The following PHF20 variants were observed in gnomAD, a reference collection of about 807,000 sequenced individuals.
PHF20 encodes the protein PHD finger protein 20.
In PHF20, 23 loss-of-function variants were observed where a neutral mutation model predicts 113.5. That is an observed-to-expected ratio of 0.20 (90% CI 0.15 to 0.29). The LOEUF (loss-of-function observed/expected upper bound fraction) is 0.29. Ranked by LOEUF, PHF20 falls within the 10% of genes least tolerant of loss-of-function variation. The probability of loss-of-function intolerance (pLI) is 1.00; values close to 1 mark genes in which losing one functional copy is unlikely to be tolerated. For missense variants in PHF20, 943 were observed against 1,219.6 expected (o/e 0.77, Z 3.38); for synonymous variants, 434 against 457.3 (o/e 0.95, Z 0.65).
At chr20:35,784,433 CT>C (rs35002007) in intron 1 of PHF20, among the ~76,000 whole-genome samples, 96 of 110,514 alleles carry the variant, frequency 8.7e-4, no homozygotes, top group African/African-American at 2.1e-3. Context: ...ATCCCAAAGA[CT>C]TTTTTTTTTT....
chr20:35,786,054 A>C (rs534529979), intron 1 of PHF20, among the ~76,000 whole-genome samples: 1 of 150,690 alleles, frequency 6.6e-6, no homozygotes, highest in East Asian at 2.0e-4. Flanking sequence ...AACAAAAAAA[A>C]AAACAAATCT....
At chr20:35,805,864 CT>C (rs200002564) in intron 2 of PHF20, among the ~76,000 whole-genome samples, 7 of 146,132 alleles carry the variant, frequency 4.8e-5, no homozygotes, top group African/African-American at 7.5e-5. Flanking sequence ...TTTTTCAGTT[CT>C]TTTTTTTTTC....
At chr20:35,781,208 A>C (rs2041289117) in intron 1 of PHF20, among the ~76,000 whole-genome samples, 1 of 150,346 alleles carries the variant, frequency 6.7e-6, no homozygotes, top group Non-Finnish European at 1.5e-5. Flanking sequence ...CAGTGACACG[A>C]TCTTGGCTCA....
intron 4 of PHF20, among the ~76,000 whole-genome samples, chr20:35,850,297 T>G (rs13040498): frequency 7.8e-5 from 5 of 64,516 alleles, no homozygotes; most frequent in African/African-American, 3.8e-4. Context: ...TCCCCCTCCG[T>G]TTTTTTTTTT....
At position 35,879,802 on chromosome 20, in the gene PHF20, C is replaced by G. The variant is rs1176628635; in HGVS notation, c.1282+7973C>G. 2.7e-5 allele frequency among the ~76,000 whole-genome samples: 4 copies of G among 150,516 alleles called. No homozygotes were observed. The East Asian group carries it at 7.8e-4, about 29-fold the overall frequency. ...TCTCTCCAAAAAAAAAAAAAAAACC[C>G]TCCAAAACAAAACAGAATAAAACCC... On this transcript the variant is annotated intron_variant, in intron 9 of 17. Transcript: ENST00000374012.
intron 10 of PHF20, among the ~76,000 whole-genome samples, chr20:35,903,990 A>G (rs546457013): frequency 6.6e-6 from 1 of 152,276 alleles, no homozygotes; most frequent in East Asian, 1.9e-4. Flanking sequence ...CTGATAACCA[A>G]AAATTTGAAA....
At chr20:35,894,964 C>T (rs1380612297) in intron 9 of PHF20, among the ~76,000 whole-genome samples, 1 of 152,170 alleles carries the variant, frequency 6.6e-6, no homozygotes, top group African/African-American at 2.4e-5. Context: ...AAGTGATTCT[C>T]CTGCCTCGGC....
intron 1 of PHF20, among the ~76,000 whole-genome samples, chr20:35,798,358 A>G (rs1301878627): frequency 6.6e-6 from 1 of 152,306 alleles, no homozygotes; most frequent in South Asian, 2.1e-4. Flanking sequence ...GGCTACAGTG[A>G]TCCAGGTTTG....
chr20:35,817,452 G>T (rs1237217392), intron 2 of PHF20, among the ~76,000 whole-genome samples: 2 of 151,666 alleles, frequency 1.3e-5, no homozygotes, highest in Non-Finnish European at 2.9e-5. Flanking sequence ...CTCCCAAAGT[G>T]CTGGGATTAC....
chr20:35,925,249 T>C (rs944373500), intron 13 of PHF20, among the ~76,000 whole-genome samples: 3 of 151,788 alleles, frequency 2.0e-5, no homozygotes, highest in African/African-American at 7.3e-5. Context: ...TAATTTATTA[T>C]TTTATTGAGA....
chr20:35,940,801 C>G (rs1469063372), intron 16 of PHF20, 63 bp from the exon 17 acceptor site: 3 of 1,373,452 alleles, frequency 2.2e-6, no homozygotes, highest in African/African-American at 2.9e-5. Context: ...GAAATGCTGG[C>G]TGGTTGAAAA....
intron 9 of PHF20, among the ~76,000 whole-genome samples, chr20:35,873,395 C>T (rs897535673): frequency 1.3e-5 from 2 of 150,702 alleles, no homozygotes; most frequent in East Asian, 3.9e-4. Context: ...GCCACTATTT[C>T]TGGCCTAAAT....
At chr20:35,819,583 A>G (rs1056876406) in intron 2 of PHF20, among the ~76,000 whole-genome samples, 11 of 151,692 alleles carry the variant, frequency 7.3e-5, no homozygotes, top group African/African-American at 2.7e-4. Context: ...TTTCTTTTTC[A>G]TTAGGGTTAT....
intron 2 of PHF20, among the ~76,000 whole-genome samples, chr20:35,817,457 G>T (rs2042096507): frequency 6.6e-6 from 1 of 152,010 alleles, no homozygotes; most frequent in Admixed American, 6.6e-5. Context: ...AAAGTGCTGG[G>T]ATTACAGGCG....
chr20:35,864,320 C>T lies in PHF20; in HGVS notation c.808+920C>T, dbSNP rs61497863. Among the ~76,000 whole-genome samples, 120 of 151,936 alleles carry T rather than the reference C, an allele frequency of 7.9e-4. 1 individual carries two copies. In the East Asian group the frequency reaches 0.022, roughly 28 times the overall value. ...GTGCGTTGGTGCATGTTTGTTGTCC[C>T]AGCTACTCAGGAGGCTGAGGTGGGA... On this transcript the variant is annotated intron_variant, in intron 6 of 17. Coordinates refer to ENST00000374012, the MANE Select transcript of PHF20 (RefSeq NM_016436.5).
At chr20:35,918,399 G>C (rs1017785514) in intron 13 of PHF20, among the ~76,000 whole-genome samples, 1 of 152,152 alleles carries the variant, frequency 6.6e-6, no homozygotes, top group African/African-American at 2.4e-5. Context: ...AAAATAGACT[G>C]GGTCCTAGGG....
At position 35,821,240 on chromosome 20, in the gene PHF20, G is replaced by T. The variant is rs141349174; in HGVS notation, c.83+19635G>T. 2.5e-3 allele frequency among the ~76,000 whole-genome samples: 383 copies of T among 151,984 alleles called. 3 individuals carry two copies. Among genetic ancestry groups the T allele is most frequent in the African/African-American group, 8.5e-3 (354 of 41,442 alleles). On this transcript the variant is annotated intron_variant, in intron 2 of 17. Transcript: ENST00000374012. ...GAGGTGGGTGGATCATTTGAGGCCA[G>T]GAGTTTGAGACCAGCCTGGCTGACA...
rs1225905577 is a variant in PHF20 at position 35,911,949 on chromosome 20, G to A, written c.1562-1300G>A. Among the ~76,000 whole-genome samples, 5 of 151,118 alleles carry A rather than the reference G, an allele frequency of 3.3e-5. No individual in the cohort carries two copies. The South Asian group carries it at 8.3e-4, about 25-fold the overall frequency. ...GCTGGGATTACAGGCATGAGCCACCGTGCCCGGCTACGACTGAATTTTTCT... is the reference window on the plus strand; with the variant it reads ...GCTGGGATTACAGGCATGAGCCACCATGCCCGGCTACGACTGAATTTTTCT... On this transcript the variant is annotated intron_variant, in intron 10 of 17. Transcript: ENST00000374012.
In PHF20 at chr20:35,927,771, T is replaced by G; in HGVS notation, c.2005-9T>G. On this transcript the variant is annotated splice_polypyrimidine_tract_variant and intron_variant, in intron 13 of 17. Transcript: ENST00000374012. ...AGTTTAATTTTTGTTGCTTCTTTAATTCTAACAGTGTGAAGAGTGCCAGTG... is the reference window on the plus strand; with the variant it reads ...AGTTTAATTTTTGTTGCTTCTTTAAGTCTAACAGTGTGAAGAGTGCCAGTG... The G allele has an allele frequency of 6.2e-7, 1 of 1,605,290 alleles. No individual in the cohort carries two copies. Among genetic ancestry groups the G allele is most frequent in the Non-Finnish European group, 8.5e-7 (1 of 1,171,924 alleles).
Sources: gnomAD v4.1 joint callset for allele counts (sites outside exome capture counted in the v4.1 genomes callset) on GRCh38, gnomAD v4.1.1 for gene constraint, MANE v1.5 for transcripts, NCBI Gene and HGNC (gene_info 2026-07-23, HGNC 2026-07-21) for gene names.